The following RAD51C variants were observed in gnomAD, a reference collection of about 807,000 sequenced individuals.
The protein encoded by RAD51C is DNA repair protein RAD51 homolog 3.
RAD51C carries 42 observed loss-of-function variants against 45.0 expected under a neutral mutation model. That is an observed-to-expected ratio of 0.93 (90% CI 0.73 to 1.21). RAD51C has a LOEUF of 1.21. Among genes scored for constraint, RAD51C ranks in the 50% most tolerant of loss-of-function variants. The pLI is 0.00. For synonymous variants in RAD51C, 172 were observed against 159.8 expected (o/e 1.08, Z -0.58); for missense variants, 474 against 452.2 (o/e 1.05, Z -0.44).
At chr17:58,694,742 T>C (rs2047931693) in intron 1 of RAD51C, 189 bp from the exon 2 acceptor site, 1 of 643,064 alleles carries the variant, frequency 1.6e-6, no homozygotes. Context: ...CCCAAAGTAC[T>C]GGGATTTTAG....
At position 58,725,784 on chromosome 17, in the gene RAD51C, A is replaced by G. The variant is rs2049097644; in HGVS notation, c.965+1684A>G. 2.0e-5 allele frequency among the ~76,000 whole-genome samples: 3 copies of G among 152,022 alleles called. No individual in the cohort carries two copies. In the South Asian group the frequency reaches 6.2e-4, roughly 32 times the overall value. ...CTGAGGTAGGTGGATCATGGGGTCAAGAGATCAAGACCATCCTGGCCAACA... is the reference window on the plus strand; with the variant it reads ...CTGAGGTAGGTGGATCATGGGGTCAGGAGATCAAGACCATCCTGGCCAACA... On this transcript the variant is annotated intron_variant, in intron 7 of 8. Transcript: ENST00000337432.
At chr17:58,696,275 TACAAAG>T (rs2048003331) in intron 2 of RAD51C, among the ~76,000 whole-genome samples, 1 of 151,500 alleles carries the variant, frequency 6.6e-6, no homozygotes, top group African/African-American at 2.4e-5. Context: ...TACTAAAAAA[TACAAAG>T]AATTAGCCGG....
chr17:58,706,802 A>G (rs1449115286), intron 4 of RAD51C, among the ~76,000 whole-genome samples: 2 of 152,212 alleles, frequency 1.3e-5, no homozygotes, highest in Non-Finnish European at 1.5e-5. Context: ...TTCTGCTGTT[A>G]TAATCCCTTA....
At chr17:58,733,985 G>A in intron 8 of RAD51C, 133 bp from the exon 9 acceptor site, 1 of 1,372,822 alleles carries the variant, frequency 7.3e-7, no homozygotes, top group Non-Finnish European at 9.8e-7. Flanking sequence ...CAAAGTGCTG[G>A]GATTACAGGT....
chr17:58,712,625 C>G (rs2048597959), intron 5 of RAD51C, among the ~76,000 whole-genome samples: 1 of 145,514 alleles, frequency 6.9e-6, no homozygotes, highest in Non-Finnish European at 1.5e-5. Context: ...TCGAGACCAT[C>G]CTGGCTAACA....
chr17:58,713,260 T>C (rs961292570), intron 5 of RAD51C, among the ~76,000 whole-genome samples: 4 of 152,330 alleles, frequency 2.6e-5, no homozygotes, highest in South Asian at 4.1e-4. Flanking sequence ...ACACTACTTA[T>C]AAGTCTGCTT....
chr17:58,707,393 T>C (rs752021992), intron 4 of RAD51C, among the ~76,000 whole-genome samples: 18 of 152,078 alleles, frequency 1.2e-4, no homozygotes, highest in Non-Finnish European at 2.4e-4. Flanking sequence ...TGGTGGCGTG[T>C]GCCTGTTAAT....
chr17:58,704,782 A>T (rs750853683), intron 4 of RAD51C, among the ~76,000 whole-genome samples: 2 of 151,964 alleles, frequency 1.3e-5, no homozygotes, highest in Non-Finnish European at 2.9e-5. Context: ...AGACTGCACC[A>T]ATTTCTACTC....
chr17:58,724,100 G>C lies in RAD51C; in HGVS notation c.965G>C (p.Arg322Thr), dbSNP rs1555603059. 2 of 1,609,698 alleles carry C rather than the reference G, an allele frequency of 1.2e-6. No homozygotes were observed. Among genetic ancestry groups the C allele is most frequent in the African/African-American group, 1.3e-5 (1 of 74,916 alleles). The change falls in exon 7 of 9, where the codon AGG becomes ACG. Residue 322 changes from arginine to threonine, a missense_variant and splice_region_variant. By Grantham distance (71) the Arg-to-Thr change is moderately conservative. Transcript: ENST00000337432. The part of the protein sequence containing the change: ...RLIFHWDRKQ[R>T]LATLYKSPSQ... The stretch of plus-strand genomic sequence containing the variant: ...ATCTTTCATTGGGACCGAAAGCAAA[G>C]GTCAGTACAGAAACAAGTTAATAAC...
chr17:58,707,336 T>C (rs1044658796), intron 4 of RAD51C, among the ~76,000 whole-genome samples: 1 of 152,078 alleles, frequency 6.6e-6, no homozygotes, highest in South Asian at 2.1e-4. Flanking sequence ...CTGGCCAACA[T>C]GGTGAAACCC....
intron 7 of RAD51C, among the ~76,000 whole-genome samples, chr17:58,727,420 G>A (rs1300368988): frequency 2.0e-5 from 3 of 152,136 alleles, no homozygotes; most frequent in African/African-American, 4.8e-5. Context: ...CACCGCACTC[G>A]GCCATAGCTG....
intron 7 of RAD51C, among the ~76,000 whole-genome samples, chr17:58,730,245 A>G (rs1412041928): frequency 6.7e-6 from 1 of 149,002 alleles, no homozygotes; most frequent in Non-Finnish European, 1.5e-5. Context: ...GCTCACTGCA[A>G]CCTCCACCTC....
intron 5 of RAD51C, among the ~76,000 whole-genome samples, chr17:58,712,360 A>G (rs1217662238): frequency 2.6e-5 from 4 of 151,688 alleles, no homozygotes; most frequent in East Asian, 3.9e-4. Flanking sequence ...AAAAAAAAAA[A>G]AAAAAGAAAT....
At chr17:58,733,059 A>C (rs1204614595) in intron 8 of RAD51C, among the ~76,000 whole-genome samples, 1 of 152,064 alleles carries the variant, frequency 6.6e-6, no homozygotes, top group East Asian at 1.9e-4. Context: ...TGCGTCGCCC[A>C]GGCTGGAGTG....
At chr17:58,693,607 T>A (rs1287267292) in intron 1 of RAD51C, 1 of 152,216 alleles carries the variant, frequency 6.6e-6, no homozygotes, top group East Asian at 1.9e-4. Flanking sequence ...CAAGATTTGA[T>A]GGGCTCTTTT....
intron 2 of RAD51C, 175 bp downstream of exon 2, chr17:58,695,364 A>G (rs1160148471): frequency 2.2e-6 from 3 of 1,376,006 alleles, no homozygotes; most frequent in Admixed American, 3.2e-5. Flanking sequence ...TCCCTTCTTG[A>G]TAAATGTATG....
At chr17:58,697,886 ATTT>A (rs1365710390) in intron 3 of RAD51C, among the ~76,000 whole-genome samples, 1 of 148,226 alleles carries the variant, frequency 6.7e-6, no homozygotes, top group East Asian at 2.1e-4. Flanking sequence ...TTAATTTTGT[ATTT>A]TTAGTACAGA....
At chr17:58,723,580 A>T (rs556192629) in intron 6 of RAD51C, among the ~76,000 whole-genome samples, 1 of 152,060 alleles carries the variant, frequency 6.6e-6, no homozygotes, top group Admixed American at 6.6e-5. Flanking sequence ...ATAGAATTAT[A>T]CTGTATATGA....
chr17:58,716,437 A>G (rs2048739699), intron 5 of RAD51C, among the ~76,000 whole-genome samples: 1 of 152,132 alleles, frequency 6.6e-6, no homozygotes, highest in Non-Finnish European at 1.5e-5. Flanking sequence ...CTACTGAGCT[A>G]CTGAATTTAT....
Sources: gnomAD v4.1 joint callset for allele counts (sites outside exome capture counted in the v4.1 genomes callset) on GRCh38, gnomAD v4.1.1 for gene constraint, MANE v1.5 for transcripts, NCBI Gene and HGNC (gene_info 2026-07-23, HGNC 2026-07-21) for gene names.